SYNPR: variants seen among roughly 807,000 people sequenced by gnomAD.
The protein encoded by SYNPR is synaptoporin.
Under a neutral mutation model 32.9 loss-of-function variants are expected in SYNPR, and 23 were observed. That is an observed-to-expected ratio of 0.70 (90% confidence interval 0.50 to 0.99). The LOEUF is 0.99. Ranked by LOEUF, SYNPR falls within the 50% of genes least tolerant of loss-of-function variation. SYNPR has a pLI of 0.00. For missense variants in SYNPR, 318 were observed against 349.3 expected (o/e 0.91, Z 0.71); for synonymous variants, 146 against 135.9 (o/e 1.07, Z -0.52).
chr3:63,319,125 C>G (rs1234674597), intron 2 of SYNPR, among the ~76,000 whole-genome samples: 1 of 152,006 alleles, frequency 6.6e-6, no homozygotes, highest in African/African-American at 2.4e-5. Context: ...GTGGGTCTTT[C>G]AGCCACGGAT....
intron 2 of SYNPR, among the ~76,000 whole-genome samples, chr3:63,384,240 G>T (rs1424594851): frequency 6.6e-6 from 1 of 152,162 alleles, no homozygotes; most frequent in Non-Finnish European, 1.5e-5. Context: ...CACTATGAAG[G>T]CAGGGCTTAA....
In SYNPR at chr3:63,378,408, G is replaced by A. The variant is rs75851805; in HGVS notation, c.84+99666G>A. Among the ~76,000 whole-genome samples the A allele has an allele frequency of 3.3e-5, 5 of 152,042 alleles. No individual in the cohort carries two copies. In the East Asian group the frequency reaches 9.6e-4, roughly 29 times the overall value. On this transcript the variant is annotated intron_variant, in intron 2 of 5. Transcript: ENST00000478300. ...TGCTCTGCCACCATTCATTGAAAAG[G>A]CTATTCTTCTTCTTTTGAATTCCTT...
the SYNPR span, among the ~76,000 whole-genome samples, chr3:63,220,857 G>T: frequency 6.6e-6 from 1 of 152,170 alleles, no homozygotes; most frequent in East Asian, 1.9e-4. Context: ...GCTGGTTGCT[G>T]TTCCTTCAAC....
chr3:63,525,670 G>C (rs1701998871), intron 3 of SYNPR, among the ~76,000 whole-genome samples: 1 of 152,184 alleles, frequency 6.6e-6, no homozygotes. Context: ...CACAGTTCAA[G>C]AGGGATCATG....
intron 2 of SYNPR, among the ~76,000 whole-genome samples, chr3:63,300,872 T>C (rs2086838701): frequency 6.6e-6 from 1 of 152,068 alleles, no homozygotes. Flanking sequence ...TTAAGAGCAC[T>C]AGAATCTGTC....
Position 63,503,464 on chromosome 3 carries a change from C to A in SYNPR, c.209+22508C>A, listed in dbSNP as rs530115552. 3.9e-5 allele frequency among the ~76,000 whole-genome samples: 6 copies of A among 152,018 alleles called. No individual in the cohort carries two copies. The East Asian group carries it at 1.2e-3, about 29-fold the overall frequency. On this transcript the variant is annotated intron_variant, in intron 3 of 5. Transcript: ENST00000478300. ...CAAGTGCTGGCAAAATATTGTGGCA[C>A]GTCTTATAATTGTACAATATCAAAA... is the stretch of plus-strand genomic sequence containing the variant.
intron 4 of SYNPR, among the ~76,000 whole-genome samples, chr3:63,602,431 T>C (rs985688662): frequency 6.6e-6 from 1 of 152,218 alleles, no homozygotes; most frequent in Non-Finnish European, 1.5e-5. Context: ...CCAGCTCTTA[T>C]GTCCAGGATG....
intron 2 of SYNPR, among the ~76,000 whole-genome samples, chr3:63,364,911 C>T (rs181028916): frequency 1.8e-4 from 28 of 151,920 alleles, no homozygotes; most frequent in Non-Finnish European, 2.9e-4. Flanking sequence ...TGAATATCCT[C>T]GGTGGCTGAA....
At chr3:63,495,386 A>C (rs1701351463) in intron 3 of SYNPR, among the ~76,000 whole-genome samples, 2 of 152,200 alleles carry the variant, frequency 1.3e-5, no homozygotes. Flanking sequence ...CTTTGATTGC[A>C]ATGAAGGATC....
At chr3:63,442,262 GAGAC>G (rs1314686398) in intron 2 of SYNPR, among the ~76,000 whole-genome samples, 15 of 151,718 alleles carry the variant, frequency 9.9e-5, no homozygotes, top group Non-Finnish European at 2.1e-4. Context: ...GAGAGAGAGA[GAGAC>G]AGAGAGAGGG....
chr3:63,519,808 G>C (rs761404180), intron 3 of SYNPR, among the ~76,000 whole-genome samples: 2 of 152,070 alleles, frequency 1.3e-5, no homozygotes, highest in Non-Finnish European at 2.9e-5. Context: ...CTCTTTAATG[G>C]CACCTTTATT....
In SYNPR at chr3:63,461,813, CAG is replaced by C. The variant is rs572468701; in HGVS notation, c.85-19015_85-19014del. Reference sequence around the variant, plus strand: ...AACCTCAGTTTCCCCAGCCGTAGAACAGAGATAATACCCATCTTGCAGGTATG... The same window carrying C: ...AACCTCAGTTTCCCCAGCCGTAGAACAGATAATACCCATCTTGCAGGTATG... On this transcript the variant is annotated intron_variant, in intron 2 of 5. Transcript: ENST00000478300. Among the ~76,000 whole-genome samples, 710 of 152,052 alleles carry C rather than the reference CAG, an allele frequency of 4.7e-3. 2 individuals are homozygous for C. The highest frequency in any genetic ancestry group is 6.7e-3 in the Non-Finnish European group (456 of 67,972).
chr3:63,612,166 A>C (rs1700207997), intron 5 of SYNPR, among the ~76,000 whole-genome samples: 1 of 152,194 alleles, frequency 6.6e-6, no homozygotes, highest in African/African-American at 2.4e-5. Flanking sequence ...TCATCTGTAA[A>C]GTGGGGATAA....
At chr3:63,503,182 A>AT (rs994366185) in intron 3 of SYNPR, among the ~76,000 whole-genome samples, 2 of 151,650 alleles carry the variant, frequency 1.3e-5, no homozygotes, top group South Asian at 2.1e-4. Context: ...TTTAATTTGT[A>AT]TTTTTTTTCT....
chr3:63,540,813 T>C (rs1702284701), intron 3 of SYNPR, among the ~76,000 whole-genome samples: 1 of 151,468 alleles, frequency 6.6e-6, no homozygotes, highest in South Asian at 2.1e-4. Context: ...TTATTTCCGT[T>C]TTTTAGTATT....
intron 2 of SYNPR, among the ~76,000 whole-genome samples, chr3:63,292,225 T>C (rs2086747359): frequency 6.6e-6 from 1 of 152,214 alleles, no homozygotes. Flanking sequence ...AAAAAATTTT[T>C]AATTGACATG....
chr3:63,284,804 T>C (rs1350239815), intron 2 of SYNPR, among the ~76,000 whole-genome samples: 3 of 152,242 alleles, frequency 2.0e-5, no homozygotes, highest in Non-Finnish European at 2.9e-5. Flanking sequence ...TTTAAACTCC[T>C]AATGAGAGAA....
intron 3 of SYNPR, among the ~76,000 whole-genome samples, chr3:63,501,805 T>C (rs1399691441): frequency 6.6e-6 from 1 of 152,158 alleles, no homozygotes; most frequent in African/African-American, 2.4e-5. Context: ...TAGAAAGTAA[T>C]AGATACCTAA....
intron 4 of SYNPR, among the ~76,000 whole-genome samples, chr3:63,589,002 G>C (rs759798307): frequency 2.6e-5 from 4 of 152,078 alleles, no homozygotes; most frequent in Non-Finnish European, 4.4e-5. Flanking sequence ...ATAGCCCAAG[G>C]AGTCTTTGGT....
Sources: gnomAD v4.1 joint callset for allele counts (sites outside exome capture counted in the v4.1 genomes callset) on GRCh38, gnomAD v4.1.1 for gene constraint, MANE v1.5 for transcripts, NCBI Gene and HGNC (gene_info 2026-07-23, HGNC 2026-07-21) for gene names.